AATF: variants seen among roughly 807,000 people sequenced by gnomAD.
AATF encodes protein AATF.
In AATF, 48 loss-of-function variants were observed where a neutral mutation model predicts 63.7. That is an observed-to-expected ratio of 0.75 (90% CI 0.60 to 0.96). The LOEUF is 0.96. AATF is among the 40% of genes least tolerant of loss of function. AATF has a pLI of 0.00. For missense variants in AATF, 639 were observed against 685.7 expected, an observed-to-expected ratio of 0.93 and a Z score of 0.76; for synonymous variants, 258 against 247.7, an observed-to-expected ratio of 1.04 and a Z score of -0.39.
intron 4 of AATF, among the ~76,000 whole-genome samples, chr17:36,977,692 C>G (rs1479102905): frequency 1.3e-5 from 2 of 152,164 alleles, no homozygotes; most frequent in Non-Finnish European, 1.5e-5. Flanking sequence ...AGTATCCGCA[C>G]TCTCCCTGAG....
chr17:36,956,614 A>C (rs1217523052), intron 4 of AATF, among the ~76,000 whole-genome samples: 2 of 151,428 alleles, frequency 1.3e-5, no homozygotes, highest in Admixed American at 1.3e-4. Flanking sequence ...CGGAGGCTGC[A>C]GCGAGCCAAG....
intron 4 of AATF, among the ~76,000 whole-genome samples, chr17:36,967,534 C>G (rs980504355): frequency 6.6e-5 from 10 of 152,196 alleles, no homozygotes; most frequent in African/African-American, 2.4e-4. Context: ...GTCATCTGGC[C>G]TGTTCACCTT....
chr17:36,995,743 T>G (rs747160073), intron 8 of AATF, among the ~76,000 whole-genome samples: 4 of 151,874 alleles, frequency 2.6e-5, no homozygotes, highest in Non-Finnish European at 5.9e-5. Context: ...AATTTTCATA[T>G]TTTTTGTAGA....
intron 2 of AATF, among the ~76,000 whole-genome samples, chr17:36,952,019 TCAAA>T (rs1698216355): frequency 6.6e-6 from 1 of 152,192 alleles, no homozygotes; most frequent in South Asian, 2.1e-4. Context: ...TAAGCATAAG[TCAAA>T]CAAAGAGCCT....
chr17:36,973,761 T>C (rs1181878447), intron 4 of AATF, among the ~76,000 whole-genome samples: 2 of 152,186 alleles, frequency 1.3e-5, no homozygotes, highest in Non-Finnish European at 2.9e-5. Context: ...ATGTATTCCT[T>C]ATATAAAATT....
chr17:37,050,000 T>C (rs1365303747), intron 11 of AATF, among the ~76,000 whole-genome samples: 2 of 152,052 alleles, frequency 1.3e-5, no homozygotes, highest in African/African-American at 2.4e-5. Context: ...GGAGGGCTCA[T>C]AGGAGTGCAG....
chr17:37,015,871 G>C (rs979056194), intron 8 of AATF, among the ~76,000 whole-genome samples: 3 of 152,112 alleles, frequency 2.0e-5, no homozygotes, highest in Non-Finnish European at 4.4e-5. Context: ...TCTTTGCCTG[G>C]TATCCTCTAT....
chr17:37,004,021 C>T (rs1220237952), intron 8 of AATF, among the ~76,000 whole-genome samples: 2 of 152,048 alleles, frequency 1.3e-5, no homozygotes, highest in Non-Finnish European at 2.9e-5. Context: ...AGGAGAATCG[C>T]TTGAACCCAG....
chr17:36,959,126 C>T (rs191025882), intron 4 of AATF, among the ~76,000 whole-genome samples: 3 of 149,216 alleles, frequency 2.0e-5, no homozygotes, highest in Non-Finnish European at 3.0e-5. Flanking sequence ...GCCTGGGCAA[C>T]GAGCAAAACT....
chr17:36,970,546 T>C (rs1046294529), intron 4 of AATF, among the ~76,000 whole-genome samples: 4 of 117,560 alleles, frequency 3.4e-5, no homozygotes, highest in Admixed American at 1.6e-4. Flanking sequence ...TTTTTCTTTT[T>C]TTTTTTTTTT....
chr17:36,979,081 T>G (rs1414586427), intron 4 of AATF, among the ~76,000 whole-genome samples: 1 of 152,072 alleles, frequency 6.6e-6, no homozygotes, highest in Non-Finnish European at 1.5e-5. Flanking sequence ...AATAAATTTG[T>G]GTCTTTTTTA....
intron 8 of AATF, among the ~76,000 whole-genome samples, chr17:37,009,626 G>A (rs2071370608): frequency 6.8e-6 from 1 of 148,088 alleles, no homozygotes. Flanking sequence ...GACCATCCTG[G>A]CTAACAAGGT....
chr17:36,954,254 G>A (rs566987151), intron 4 of AATF, among the ~76,000 whole-genome samples: 90 of 151,598 alleles, frequency 5.9e-4, no homozygotes, highest in African/African-American at 2.2e-3. Flanking sequence ...CTGTAGAGAG[G>A]GATATTTTGT....
At chr17:36,963,994 CAGTG>C (rs1320530801) in intron 4 of AATF, among the ~76,000 whole-genome samples, 10 of 151,806 alleles carry the variant, frequency 6.6e-5, no homozygotes, top group Non-Finnish European at 1.3e-4. Flanking sequence ...CTGGGCAACA[CAGTG>C]AGACCCTGTC....
intron 8 of AATF, among the ~76,000 whole-genome samples, chr17:37,017,320 TTTC>T (rs1169643896): frequency 7.9e-5 from 12 of 152,322 alleles, no homozygotes; most frequent in Admixed American, 2.6e-4. Context: ...TTCTCTTTTA[TTTC>T]TTCTTCTTTA....
At chr17:36,994,365 T>C (rs1257687006) in intron 8 of AATF, among the ~76,000 whole-genome samples, 1 of 152,236 alleles carries the variant, frequency 6.6e-6, no homozygotes, top group Admixed American at 6.5e-5. Flanking sequence ...TTTTTTTCCT[T>C]AGAAGGCAAA....
chr17:37,040,746 T>C (rs1447873216), intron 11 of AATF, among the ~76,000 whole-genome samples: 1 of 139,268 alleles, frequency 7.2e-6, no homozygotes, highest in Non-Finnish European at 1.6e-5. Context: ...ATTAAAATGC[T>C]TCCCCCCCCA....
In AATF at chr17:37,021,003, C is replaced by T; in HGVS notation, c.1536C>T (p.Gly512=). 3.7e-6 allele frequency: 6 copies of T among 1,610,348 alleles called. No homozygotes were observed. The highest frequency in any genetic ancestry group is 5.1e-6 in the Non-Finnish European group (6 of 1,178,118). The change falls in exon 10 of 12, where the codon GGC becomes GGT. Residue 512 remains glycine, a synonymous_variant. Transcript: ENST00000619387. The part of the protein sequence containing the change: ...HKKVDRKASK[G]RKLRFHVLSK... ...AAGTAGATAGGAAAGCCAGCAAAGG[C>T]AGGAAACTTCGGTGAGTTACTTTTC...
At chr17:36,956,394 C>G (rs969312661) in intron 4 of AATF, among the ~76,000 whole-genome samples, 1 of 152,194 alleles carries the variant, frequency 6.6e-6, no homozygotes, top group Non-Finnish European at 1.5e-5. Flanking sequence ...AATTCTTGGC[C>G]GGGTGCAGTG....
Sources: allele counts gnomAD v4.1 joint callset (sites outside exome capture counted in the v4.1 genomes callset), GRCh38; gene constraint gnomAD v4.1.1; transcripts MANE v1.5; gene names NCBI Gene and HGNC (gene_info 2026-07-23, HGNC 2026-07-21).